Variants in TMEM163 observed in about 807,000 individuals in gnomAD.
TMEM163 encodes the protein transmembrane protein 163.
A neutral mutation model predicts 29.3 loss-of-function variants in TMEM163; 17 were observed. That is an observed-to-expected ratio of 0.58 (90% CI 0.40 to 0.87). TMEM163 has a LOEUF of 0.87. Among genes scored for constraint, TMEM163 ranks in the 40% least tolerant of loss-of-function variants. The pLI, the probability that TMEM163 is intolerant of heterozygous loss-of-function variation, is 0.00. For missense variants in TMEM163, 303 were observed against 381.5 expected, an observed-to-expected ratio of 0.79 and a Z score of 1.71; for synonymous variants, 157 against 160.6, an observed-to-expected ratio of 0.98 and a Z score of 0.17.
At chr2:134,549,813 C>T (rs1246173984) in intron 4 of TMEM163, among the ~76,000 whole-genome samples, 2 of 152,066 alleles carry the variant, frequency 1.3e-5, no homozygotes, top group African/African-American at 4.8e-5. Flanking sequence ...CACACATATA[C>T]ATACACATAT....
At chr2:134,688,630 C>A (rs764773176) in intron 2 of TMEM163, among the ~76,000 whole-genome samples, 2 of 152,202 alleles carry the variant, frequency 1.3e-5, no homozygotes, top group African/African-American at 4.8e-5. Context: ...GTAACTATTT[C>A]TCCACTGGAG....
At chr2:134,575,521 C>T (rs1244881180) in intron 2 of TMEM163, among the ~76,000 whole-genome samples, 1 of 152,156 alleles carries the variant, frequency 6.6e-6, no homozygotes, top group Non-Finnish European at 1.5e-5. Context: ...GAGAGAGGCA[C>T]ACACACAGGG....
At chr2:134,599,512 T>A (rs1229740343) in intron 2 of TMEM163, among the ~76,000 whole-genome samples, 1 of 151,968 alleles carries the variant, frequency 6.6e-6, no homozygotes. Flanking sequence ...AGGAGGGCCC[T>A]CAGCAGAACC....
chr2:134,600,655 C>T (rs963476945), intron 2 of TMEM163, among the ~76,000 whole-genome samples: 14 of 152,086 alleles, frequency 9.2e-5, no homozygotes, highest in Admixed American at 7.9e-4. Context: ...GGGAATAGGG[C>T]ATCAAAAAGC....
chr2:134,712,283 C>T (rs531385510), intron 2 of TMEM163, among the ~76,000 whole-genome samples: 37 of 152,312 alleles, frequency 2.4e-4, no homozygotes, highest in Non-Finnish European at 4.4e-4. Flanking sequence ...CAGATCTACC[C>T]TTGCAGAATA....
chr2:134,702,309 T>G (rs1490638092), intron 2 of TMEM163, among the ~76,000 whole-genome samples: 1 of 152,154 alleles, frequency 6.6e-6, no homozygotes, highest in Non-Finnish European at 1.5e-5. Context: ...GAAAAGTATT[T>G]TTTAACCATC....
chr2:134,698,720 C>T (rs1027783816), intron 2 of TMEM163, among the ~76,000 whole-genome samples: 3 of 151,932 alleles, frequency 2.0e-5, no homozygotes, highest in South Asian at 2.1e-4. Context: ...AAATTTTATC[C>T]TTGAACTATT....
chr2:134,637,475 A>C (rs1460008527), intron 2 of TMEM163, among the ~76,000 whole-genome samples: 1 of 152,266 alleles, frequency 6.6e-6, no homozygotes, highest in Non-Finnish European at 1.5e-5. Flanking sequence ...TGGGTTGAAA[A>C]AATGAATGAA....
intron 4 of TMEM163, among the ~76,000 whole-genome samples, chr2:134,536,511 T>C (rs606076): frequency 0.59 from 89,719 of 151,918 alleles, 27,307 homozygotes; most frequent in East Asian, 0.84. Flanking sequence ...CTCTGGAGGC[T>C]AGCGGCACAG....
chr2:134,561,714 G>GT (rs1175971989), intron 2 of TMEM163, among the ~76,000 whole-genome samples: 1 of 152,170 alleles, frequency 6.6e-6, no homozygotes, highest in African/African-American at 2.4e-5. Context: ...GAGCTATCAA[G>GT]TAAGCCTGTG....
At chr2:134,601,470 G>A (rs1574271480) in intron 2 of TMEM163, among the ~76,000 whole-genome samples, 1 of 152,256 alleles carries the variant, frequency 6.6e-6, no homozygotes, top group South Asian at 2.1e-4. Context: ...CAGTGAGGTG[G>A]AAACCAACCC....
At chr2:134,465,298 A>C (rs1322555654) in intron 6 of TMEM163, among the ~76,000 whole-genome samples, 1 of 152,300 alleles carries the variant, frequency 6.6e-6, no homozygotes. Context: ...ATATACATAT[A>C]CAGACACATA....
chr2:134,513,830 A>G (rs1679999044), intron 4 of TMEM163, among the ~76,000 whole-genome samples: 1 of 152,212 alleles, frequency 6.6e-6, no homozygotes, highest in Non-Finnish European at 1.5e-5. Flanking sequence ...CTTTCAATCC[A>G]AGAGGAATGA....
chr2:134,595,050 G>C (rs1367594864), intron 2 of TMEM163, among the ~76,000 whole-genome samples: 1 of 151,934 alleles, frequency 6.6e-6, no homozygotes, highest in African/African-American at 2.4e-5. Flanking sequence ...TTATGTGCAA[G>C]TGTATGATCA....
chr2:134,484,560 G>A (rs147101964), intron 5 of TMEM163, among the ~76,000 whole-genome samples: 145 of 152,266 alleles, frequency 9.5e-4, no homozygotes, highest in African/African-American at 3.1e-3. Flanking sequence ...TGTAGTCCCA[G>A]CTACTCAGGA....
At chr2:134,684,050 A>G (rs1684304262) in intron 2 of TMEM163, among the ~76,000 whole-genome samples, 1 of 152,164 alleles carries the variant, frequency 6.6e-6, no homozygotes, top group South Asian at 2.1e-4. Context: ...AAGCAGTTGC[A>G]TGTGTTAGGA....
Position 134,718,854 on chromosome 2 carries a change from C to T in TMEM163, c.82G>A (p.Ala28Thr). 9.0e-7 allele frequency: 1 copy of T among 1,116,352 alleles called. No homozygotes were observed. The highest frequency in any genetic ancestry group is 1.1e-6 in the Non-Finnish European group (1 of 915,030). 69.2% of individuals were successfully genotyped at this position (1,116,352 alleles called of 1,614,324 possible). The change falls in exon 1 of 8, where the codon GCT becomes ACT. Residue 28 changes from alanine to threonine, a missense_variant. By Grantham distance (58) the Ala-to-Thr change is moderately conservative. This residue lies in a region of TMEM163 where 100 missense variants were observed against 87.2 expected (regional missense o/e 1.15). Coordinates refer to ENST00000281924, the MANE Select transcript of TMEM163 (RefSeq NM_030923.5). ...AGCGGGGCCGGGCCGGGGGCGGCAG[C>T]CGGTGGCGCGTGGCCCCGGGGCGGC... ...PPPPRGHAPP[A>T]AAPGPAPLSS...
intron 5 of TMEM163, among the ~76,000 whole-genome samples, chr2:134,481,660 A>T (rs1679186724): frequency 6.6e-6 from 1 of 152,148 alleles, no homozygotes; most frequent in African/African-American, 2.4e-5. Context: ...TCAGTTCCCA[A>T]TGGAGTTGGG....
At chr2:134,465,640 A>G (rs574195) in intron 6 of TMEM163, among the ~76,000 whole-genome samples, 99,845 of 152,196 alleles carry the variant, frequency 0.66, 35,798 homozygotes, top group East Asian at 0.98. Context: ...TCTAAGCAGA[A>G]AACACACAGG....
Sources: gnomAD v4.1 joint callset for allele counts (sites outside exome capture counted in the v4.1 genomes callset) on GRCh38, gnomAD v4.1.1 for gene constraint, gnomAD v4.1.1 regional missense constraint, MANE v1.5 for transcripts, NCBI Gene and HGNC (gene_info 2026-07-23, HGNC 2026-07-21) for gene names.